Variants in DAB2IP observed in about 807,000 individuals in gnomAD.
The protein encoded by DAB2IP is disabled homolog 2-interacting protein.
DAB2IP carries 28 observed loss-of-function variants against 107.2 expected under a neutral mutation model. The ratio of observed to expected loss-of-function variants is 0.26; its 90% CI spans 0.19 to 0.36. DAB2IP has a LOEUF of 0.36. Among genes scored for constraint, DAB2IP ranks in the 10% least tolerant of loss-of-function variants. DAB2IP has a pLI of 1.00. For synonymous variants in DAB2IP, 755 were observed against 706.4 expected, an observed-to-expected ratio of 1.07 and a Z score of -1.09; for missense variants, 1,400 against 1,644.7, an observed-to-expected ratio of 0.85 and a Z score of 2.57.
At chr9:121,674,368 T>C (rs1833801879) in intron 1 of DAB2IP, among the ~76,000 whole-genome samples, 1 of 152,184 alleles carries the variant, frequency 6.6e-6, no homozygotes, top group Admixed American at 6.5e-5. Flanking sequence ...AGGAGATACC[T>C]GGGAAGGTGC....
chr9:121,569,948 C>T (rs1351347413), intron 1 of DAB2IP, among the ~76,000 whole-genome samples: 3 of 149,266 alleles, frequency 2.0e-5, no homozygotes, highest in Non-Finnish European at 4.5e-5. Flanking sequence ...CACCACCACA[C>T]CTCACTAATT....
At chr9:121,628,702 G>A (rs793513) in intron 1 of DAB2IP, among the ~76,000 whole-genome samples, 75,816 of 151,998 alleles carry the variant, frequency 0.5, 22,125 homozygotes, top group Non-Finnish European at 0.66. Context: ...GGAAAGCGGG[G>A]CATGCAGAGG....
At chr9:121,757,270 G>GACT in intron 4 of DAB2IP, 104 bp downstream of exon 4, 3 of 1,458,608 alleles carry the variant, frequency 2.1e-6, no homozygotes, top group Non-Finnish European at 2.8e-6. Flanking sequence ...GGCCTCAGCA[G>GACT]GGGCCAGGGT....
chr9:121,705,769 C>T (rs1160035379), intron 3 of DAB2IP, among the ~76,000 whole-genome samples: 2 of 152,194 alleles, frequency 1.3e-5, no homozygotes. Context: ...AGGTGCCAGG[C>T]CTGACAGGTG....
Position 121,640,758 on chromosome 9 carries a change from G to A in DAB2IP, c.41-37920G>A, listed in dbSNP as rs533038871. On this transcript the variant is annotated intron_variant, in intron 1 of 16. Coordinates refer to the DAB2IP transcript ENST00000259371. ...GGGAACCTGTGGGCAGGCCTACGGC[G>A]TGGGGTGGGGCCAGTCCTGAGCCTC... 2.8e-4 allele frequency among the ~76,000 whole-genome samples: 43 copies of A among 152,308 alleles called. 1 individual carries two copies. The highest frequency in any genetic ancestry group is 1.9e-4 in the East Asian group (1 of 5,174).
rs1830625669 is a variant in DAB2IP, at chr9:121,599,673, C to T, written c.40+32445C>T. Among the ~76,000 whole-genome samples, 1 of 152,158 alleles carries T rather than the reference C, an allele frequency of 6.6e-6. No individual in the cohort carries two copies. Among genetic ancestry groups the T allele is most frequent in the Admixed American group, 6.5e-5 (1 of 15,284 alleles). On this transcript the variant is annotated intron_variant, in intron 1 of 16. Coordinates refer to the DAB2IP transcript ENST00000259371. The surrounding 1 kb of genome is among the most constrained non-coding windows in gnomAD (Gnocchi z 6.9). ...CTTTCCTGCAGCCGCCCGGCGACAC[C>T]GCGACTCCGCCGCTTCGCAACCCTG...
chr9:121,651,486 C>T, upstream of DAB2IP: 1 of 207,324 alleles, frequency 4.8e-6, no homozygotes, highest in Non-Finnish European at 8.5e-6. This position sits in a 1 kb window ranked among gnomAD's most constrained non-coding sequence, Gnocchi z 5.1. Flanking sequence ...AACTCCGGGC[C>T]GCCTCGCCCC....
At chr9:121,696,024 A>G (rs1291178601) in intron 2 of DAB2IP, among the ~76,000 whole-genome samples, 1 of 151,856 alleles carries the variant, frequency 6.6e-6, no homozygotes, top group Non-Finnish European at 1.5e-5. Context: ...TCGTGCCACC[A>G]CGCCCGGCTA....
intron 1 of DAB2IP, among the ~76,000 whole-genome samples, chr9:121,625,352 G>A (rs939725052): frequency 2.6e-5 from 4 of 151,478 alleles, no homozygotes; most frequent in Non-Finnish European, 4.4e-5. Context: ...CGATTCTTGC[G>A]CCTCAGCCCC....
At chr9:121,586,242 A>G (rs1589378886) in intron 1 of DAB2IP, among the ~76,000 whole-genome samples, 1 of 152,214 alleles carries the variant, frequency 6.6e-6, no homozygotes, top group South Asian at 2.1e-4. Context: ...ATTCCCTATG[A>G]TTACCGAACA....
intron 1 of DAB2IP, among the ~76,000 whole-genome samples, chr9:121,589,919 C>CCTTCT (rs1830391492): frequency 9.0e-5 from 3 of 33,396 alleles, no homozygotes; most frequent in Admixed American, 7.7e-4. Context: ...AGTCCTGCTC[C>CCTTCT]CTTCCCTTCC....
chr9:121,594,862 G>C (rs937811711), intron 1 of DAB2IP, among the ~76,000 whole-genome samples: 3 of 152,196 alleles, frequency 2.0e-5, no homozygotes, highest in South Asian at 2.1e-4. Flanking sequence ...CCATGGGCTG[G>C]AATGCCTGAG....
chr9:121,784,918 GC>G (rs1835905494), exon 16 of DAB2IP: 1 of 152,526 alleles, frequency 6.6e-6, no homozygotes, highest in Non-Finnish European at 1.5e-5. Flanking sequence ...CGGGAGCTGG[GC>G]CCTGCCTGCA....
chr9:121,605,680 T>C (rs1830845157), intron 1 of DAB2IP, among the ~76,000 whole-genome samples: 1 of 152,140 alleles, frequency 6.6e-6, no homozygotes, highest in South Asian at 2.1e-4. Context: ...TAAAAATTTT[T>C]CTTCTTGTAG....
intron 3 of DAB2IP, among the ~76,000 whole-genome samples, chr9:121,708,349 T>C (rs1330043488): frequency 6.6e-6 from 1 of 152,206 alleles, no homozygotes; most frequent in Non-Finnish European, 1.5e-5. Context: ...GCATGTCATG[T>C]CCTTTCTCAT....
chr9:121,620,598 T>C (rs896439223), intron 1 of DAB2IP, among the ~76,000 whole-genome samples: 6 of 152,202 alleles, frequency 3.9e-5, no homozygotes, highest in African/African-American at 1.4e-4. Context: ...GCTCAATATA[T>C]GTAAACTTTG....
At chr9:121,729,302 C>T (rs1831393555) in intron 3 of DAB2IP, among the ~76,000 whole-genome samples, 1 of 152,210 alleles carries the variant, frequency 6.6e-6, no homozygotes, top group South Asian at 2.1e-4. Context: ...TGTTCTCACC[C>T]TTTATCTCTA....
At chr9:121,766,286 GCTC>G (rs914375991) in intron 8 of DAB2IP, among the ~76,000 whole-genome samples, 1 of 152,190 alleles carries the variant, frequency 6.6e-6, no homozygotes, top group African/African-American at 2.4e-5. Context: ...GGGTCTCCCT[GCTC>G]CTCCTCCTGC....
At chr9:121,655,075 T>A (rs1223050940) in intron 1 of DAB2IP, among the ~76,000 whole-genome samples, 1 of 152,046 alleles carries the variant, frequency 6.6e-6, no homozygotes, top group Non-Finnish European at 1.5e-5. Flanking sequence ...GGCTTCAGTT[T>A]CCCCATCTGA....
Sources: allele counts gnomAD v4.1 joint callset (sites outside exome capture counted in the v4.1 genomes callset), GRCh38; gene constraint gnomAD v4.1.1; non-coding constraint Gnocchi (gnomAD v3.1); transcripts MANE v1.5; gene names NCBI Gene and HGNC (gene_info 2026-07-23, HGNC 2026-07-21).